The following SLC60A1 variants were observed in gnomAD, a reference collection of about 807,000 sequenced individuals.
SLC60A1 encodes the protein major facilitator superfamily domain containing 4.
chr1:205,584,268 C>G, the SLC60A1 span: 1 of 959,886 alleles, frequency 1.0e-6, no homozygotes, highest in Non-Finnish European at 1.5e-6. Flanking sequence ...GTCGCCCAGG[C>G]TGGAGTGCAG....
the SLC60A1 span, chr1:205,597,764 C>A: frequency 6.2e-7 from 1 of 1,613,544 alleles, no homozygotes; most frequent in Non-Finnish European, 8.5e-7. Flanking sequence ...CAAACCAAAC[C>A]TTCTCTTTTT....
At chr1:205,584,262 C>T in the SLC60A1 span, 1 of 1,026,704 alleles carries the variant, frequency 9.7e-7, no homozygotes, top group Non-Finnish European at 1.4e-6. Flanking sequence ...ACTCTCGTCG[C>T]CCAGGCTGGA....
chr1:205,579,871 G>C, the SLC60A1 span: 1 of 1,614,118 alleles, frequency 6.2e-7, no homozygotes, highest in Admixed American at 1.7e-5. Context: ...TGGCGGGCTT[G>C]GCCATGGGCT....
At chr1:205,595,753 T>C in the SLC60A1 span, among the ~76,000 whole-genome samples, 1 of 152,230 alleles carries the variant, frequency 6.6e-6, no homozygotes, top group Non-Finnish European at 1.5e-5. Flanking sequence ...GCTTTTGACT[T>C]AGCATCAAAG....
At chr1:205,599,025 CA>C in the SLC60A1 span, 4 of 1,461,498 alleles carry the variant, frequency 2.7e-6, no homozygotes, top group Non-Finnish European at 2.8e-6. Context: ...TGACGGGCCT[CA>C]ACTTAGCTGA....
the SLC60A1 span, chr1:205,598,986 C>T: frequency 9.2e-7 from 1 of 1,091,340 alleles, no homozygotes; most frequent in South Asian, 1.5e-5. Flanking sequence ...CCAAGGCCTC[C>T]CTCCTCCCCG....
chr1:205,590,711 T>A, the SLC60A1 span, among the ~76,000 whole-genome samples: 1 of 152,260 alleles, frequency 6.6e-6, no homozygotes, highest in East Asian at 1.9e-4. Context: ...ATGAGATTTC[T>A]TGCCTAGCTC....
the SLC60A1 span, among the ~76,000 whole-genome samples, chr1:205,580,256 C>G: frequency 6.6e-6 from 1 of 152,152 alleles, no homozygotes; most frequent in Admixed American, 6.5e-5. This position sits in a 1 kb window ranked among gnomAD's most constrained non-coding sequence, Gnocchi z 5.0. Context: ...TTTCTCCCCC[C>G]GGGATTCAGC....
At chr1:205,590,075 G>T in the SLC60A1 span, among the ~76,000 whole-genome samples, 6 of 152,186 alleles carry the variant, frequency 3.9e-5, no homozygotes, top group East Asian at 1.2e-3. Context: ...TAAGAGTCTA[G>T]TTTGGGCCAC....
chr1:205,602,360 CCTT>C, the SLC60A1 span: 1 of 152,620 alleles, frequency 6.6e-6, no homozygotes, highest in East Asian at 1.9e-4. Flanking sequence ...TGCTGGCTCA[CCTT>C]CTAGCTGTGT....
the SLC60A1 span, among the ~76,000 whole-genome samples, chr1:205,581,779 G>A: frequency 6.6e-6 from 1 of 152,158 alleles, no homozygotes; most frequent in Non-Finnish European, 1.5e-5. The surrounding 1 kb of genome is among the most constrained non-coding windows in gnomAD (Gnocchi z 4.2). Flanking sequence ...CAGGTGGGCT[G>A]GACTCAGGCA....
chr1:205,572,606 C>G, the SLC60A1 span, among the ~76,000 whole-genome samples: 1 of 152,148 alleles, frequency 6.6e-6, no homozygotes, highest in East Asian at 1.9e-4. Context: ...GATATGCTGG[C>G]CCCCTCCAGT....
chr1:205,580,677 TG>T, the SLC60A1 span: 1 of 1,603,648 alleles, frequency 6.2e-7, no homozygotes, highest in Non-Finnish European at 8.5e-7. This position sits in a 1 kb window ranked among gnomAD's most constrained non-coding sequence, Gnocchi z 5.0. Context: ...CATTTCTTCG[TG>T]GGCTTTGGTG....
chr1:205,584,860 C>T, the SLC60A1 span: 1 of 1,611,124 alleles, frequency 6.2e-7, no homozygotes, highest in Non-Finnish European at 8.5e-7. Context: ...CCCTGTTCTT[C>T]CTGTGCCTCC....
chr1:205,579,700 G>T, the SLC60A1 span: 1 of 1,592,222 alleles, frequency 6.3e-7, no homozygotes. Flanking sequence ...AGGAGAAGGG[G>T]GAGGGGATGC....
At chr1:205,594,391 C>CA in the SLC60A1 span, among the ~76,000 whole-genome samples, 1 of 152,222 alleles carries the variant, frequency 6.6e-6, no homozygotes, top group Admixed American at 6.5e-5. Flanking sequence ...TGCAGTGGCT[C>CA]ACGCCTGTAA....
the SLC60A1 span, chr1:205,584,162 G>A: frequency 5.7e-6 from 9 of 1,575,838 alleles, no homozygotes; most frequent in Non-Finnish European, 7.8e-6. Context: ...ACAGCCTCAT[G>A]TTGAGGCTTC....
the SLC60A1 span, among the ~76,000 whole-genome samples, chr1:205,591,509 AAAAG>A: frequency 5.3e-5 from 8 of 150,916 alleles, no homozygotes; most frequent in Admixed American, 1.3e-4. Flanking sequence ...AAAAGGAAAG[AAAAG>A]AAAGATTTCT....
the SLC60A1 span, chr1:205,586,138 A>C: frequency 6.2e-7 from 1 of 1,613,772 alleles, no homozygotes; most frequent in East Asian, 2.2e-5. Flanking sequence ...GCTTCATCAC[A>C]CTGGGCCGGC....
Sources: gnomAD v4.1 joint callset for allele counts (sites outside exome capture counted in the v4.1 genomes callset) on GRCh38, gnomAD v4.1.1 for gene constraint, Gnocchi (gnomAD v3.1) non-coding constraint, MANE v1.5 for transcripts, NCBI Gene and HGNC (gene_info 2026-07-23, HGNC 2026-07-21) for gene names.